Variants in CPSF3 observed in about 807,000 individuals in gnomAD.
The protein encoded by CPSF3 is cleavage and polyadenylation specificity factor subunit 3.
Under a neutral mutation model 84.1 loss-of-function variants are expected in CPSF3, and 57 were observed. The observed-to-expected ratio is 0.68, with a 90% CI of 0.55 to 0.85. The LOEUF (loss-of-function observed/expected upper bound fraction) is 0.85, where lower values mean the gene tolerates loss of function less well. Among genes scored for constraint, CPSF3 ranks in the 40% least tolerant of loss-of-function variants. The pLI, the probability that CPSF3 is intolerant of heterozygous loss-of-function variation, is 0.00. For synonymous variants in CPSF3, 275 were observed against 278.1 expected, an observed-to-expected ratio of 0.99 and a Z score of 0.11; for missense variants, 522 against 838.8, an observed-to-expected ratio of 0.62 and a Z score of 4.66.
intron 15 of CPSF3, 128 bp downstream of exon 15, chr2:9,459,746 T>G (rs921787935): frequency 1.9e-5 from 10 of 525,396 alleles, no homozygotes; most frequent in Non-Finnish European, 3.0e-5. Flanking sequence ...ACTTCCCAGG[T>G]TCAAGCAATT....
At chr2:9,446,474 G>T (rs886467154) in intron 10 of CPSF3, among the ~76,000 whole-genome samples, 3 of 151,900 alleles carry the variant, frequency 2.0e-5, no homozygotes, top group Admixed American at 6.6e-5. Context: ...CCAGCTACTC[G>T]GGAGGCCGAG....
intron 7 of CPSF3, among the ~76,000 whole-genome samples, chr2:9,436,662 C>T (rs1278283993): frequency 6.6e-6 from 1 of 151,928 alleles, no homozygotes; most frequent in African/African-American, 2.4e-5. Flanking sequence ...ATCCCAGCTA[C>T]TCAGGAGGCT....
chr2:9,466,380 TCGCACACACGCGCACACACACGCA>T (rs1681972871), intron 15 of CPSF3, among the ~76,000 whole-genome samples: 1 of 130,184 alleles, frequency 7.7e-6, no homozygotes, highest in Non-Finnish European at 1.6e-5. Flanking sequence ...ACCCACGCAC[TCGCACACACGCGCACACACACGCA>T]CGCGCACACA....
At chr2:9,443,042 A>C (rs1681008214) in intron 9 of CPSF3, among the ~76,000 whole-genome samples, 1 of 152,136 alleles carries the variant, frequency 6.6e-6, no homozygotes, top group African/African-American at 2.4e-5. Flanking sequence ...ACGTGCCTGT[A>C]GTCCTAGCTA....
intron 1 of CPSF3, among the ~76,000 whole-genome samples, chr2:9,425,993 G>C (rs1448617255): frequency 1.3e-5 from 2 of 152,322 alleles, no homozygotes; most frequent in South Asian, 2.1e-4. Flanking sequence ...ATGTAAGTGT[G>C]ATCATACAAT....
rs34229646 is a variant in CPSF3, at chr2:9,432,344, T to TAA, written c.342-158_342-157dup. Among the ~76,000 whole-genome samples the TAA allele has an allele frequency of 1.3e-4, 20 of 150,164 alleles. 1 individual carries two copies. The highest frequency in any genetic ancestry group is 6.3e-4 in the South Asian group (3 of 4,764). On this transcript the variant is annotated intron_variant, in intron 4 of 17. Transcript: ENST00000238112. ...TTTTGTAGCTATACACACAATAGAG[T>TAA]AAAAAAAAAATACACAAAATATCTG... is the stretch of plus-strand genomic sequence containing the variant.
intron 14 of CPSF3, among the ~76,000 whole-genome samples, chr2:9,458,724 T>C (rs1018247696): frequency 1.3e-5 from 2 of 152,180 alleles, no homozygotes; most frequent in African/African-American, 4.8e-5. Context: ...AATATATTTT[T>C]GTTCCTAGGG....
At chr2:9,457,836 T>A (rs902404159) in intron 14 of CPSF3, among the ~76,000 whole-genome samples, 1 of 151,956 alleles carries the variant, frequency 6.6e-6, no homozygotes, top group Non-Finnish European at 1.5e-5. Flanking sequence ...CACTGCAACC[T>A]CCACCTCCTA....
chr2:9,466,304 ACG>A, intron 15 of CPSF3, among the ~76,000 whole-genome samples: 1 of 111,962 alleles, frequency 8.9e-6, no homozygotes, highest in South Asian at 2.7e-4. Flanking sequence ...ACGCATGCAC[ACG>A]CACACTGACG....
intron 7 of CPSF3, among the ~76,000 whole-genome samples, chr2:9,440,161 TA>T (rs1572778034): frequency 1.3e-5 from 2 of 152,310 alleles, no homozygotes; most frequent in East Asian, 3.9e-4. Context: ...TACATTTAAA[TA>T]AAAATGTATT....
intron 11 of CPSF3, among the ~76,000 whole-genome samples, chr2:9,449,228 T>G (rs1380179555): frequency 6.6e-6 from 1 of 151,072 alleles, no homozygotes; most frequent in Non-Finnish European, 1.5e-5. Flanking sequence ...AAAATAAAAA[T>G]AAAATAAAAA....
rs1258943094 is a variant in CPSF3 at position 9,440,678 on chromosome 2, T to G, written c.936+12T>G. On this transcript the variant is annotated intron_variant, in intron 8 of 17. Coordinates refer to ENST00000238112, the MANE Select transcript of CPSF3 (RefSeq NM_016207.4). The stretch of plus-strand genomic sequence containing the variant: ...TTAGTAACCTCAAGGTGAGTGCTTG[T>G]GGAAGAAAGACAAGGATGGATAAAA... 1 of 1,613,596 alleles carries G rather than the reference T, an allele frequency of 6.2e-7. No individual in the cohort carries two copies. The highest frequency in any genetic ancestry group is 2.2e-5 in the East Asian group (1 of 44,868).
chr2:9,469,877 A>T (rs1682104220), intron 16 of CPSF3, among the ~76,000 whole-genome samples: 1 of 152,228 alleles, frequency 6.6e-6, no homozygotes, highest in South Asian at 2.1e-4. Flanking sequence ...ATGAAAATGG[A>T]ACCTTTTTTC....
At chr2:9,427,151 A>G (rs1572763561) in intron 1 of CPSF3, among the ~76,000 whole-genome samples, 1 of 152,354 alleles carries the variant, frequency 6.6e-6, no homozygotes, top group Admixed American at 6.5e-5. Context: ...TGTCAATGAC[A>G]CAGCAGTGTT....
At chr2:9,464,773 A>G (rs1681846340) in intron 15 of CPSF3, among the ~76,000 whole-genome samples, 1 of 151,834 alleles carries the variant, frequency 6.6e-6, no homozygotes, top group African/African-American at 2.4e-5. Flanking sequence ...TTCTATTTTT[A>G]TAGAGACAGG....
chr2:9,423,737 C>G lies in CPSF3; in HGVS notation c.-37C>G. 6.2e-7 allele frequency: 1 copy of G among 1,608,672 alleles called. No individual in the cohort carries two copies. Among genetic ancestry groups the G allele is most frequent in the Non-Finnish European group, 8.5e-7 (1 of 1,178,060 alleles). ...TCCAATTTAGGAAGACCCCGGCGAC[C>G]TGTTCCTCACCCCCGCTTCGCCCTC... On this transcript the variant is annotated 5_prime_UTR_variant, in exon 1 of 18. Coordinates refer to ENST00000238112, the MANE Select transcript of CPSF3 (RefSeq NM_016207.4).
chr2:9,448,513 G>A (rs1045226510), intron 11 of CPSF3, among the ~76,000 whole-genome samples, 163 bp downstream of exon 11: 3 of 152,278 alleles, frequency 2.0e-5, no homozygotes, highest in Admixed American at 6.5e-5. Flanking sequence ...TTTTGGTTCT[G>A]TGCATTCATT....
intron 15 of CPSF3, 25 bp downstream of exon 15, chr2:9,459,643 T>A: frequency 1.4e-6 from 1 of 706,874 alleles, no homozygotes. Context: ...TTATCCTTTT[T>A]TTTTTTTTTT....
intron 15 of CPSF3, among the ~76,000 whole-genome samples, chr2:9,465,757 C>T (rs1681883935): frequency 6.6e-6 from 1 of 152,196 alleles, no homozygotes; most frequent in Admixed American, 6.5e-5. Context: ...TCTGTTCAAT[C>T]CCAATCAAAT....
Sources: allele counts gnomAD v4.1 joint callset (sites outside exome capture counted in the v4.1 genomes callset), GRCh38; gene constraint gnomAD v4.1.1; transcripts MANE v1.5; gene names NCBI Gene and HGNC (gene_info 2026-07-23, HGNC 2026-07-21).